Variants in FRMD4A observed in about 807,000 individuals in gnomAD.
FRMD4A encodes FERM domain containing 4A.
A neutral mutation model predicts 129.1 loss-of-function variants in FRMD4A; 29 were observed. The observed-to-expected ratio is 0.22, with a 90% CI of 0.17 to 0.31. The LOEUF is 0.31. Ranked by LOEUF, FRMD4A falls within the 10% of genes least tolerant of loss-of-function variation. FRMD4A has a pLI of 1.00. For missense variants in FRMD4A, 1,272 were observed against 1,375.8 expected, an observed-to-expected ratio of 0.92 and a Z score of 1.19; for synonymous variants, 634 against 571.6, an observed-to-expected ratio of 1.11 and a Z score of -1.56.
chr10:14,001,724 G>A (rs1238180901), intron 2 of FRMD4A, among the ~76,000 whole-genome samples: 1 of 152,234 alleles, frequency 6.6e-6, no homozygotes, highest in Non-Finnish European at 1.5e-5. Flanking sequence ...GGAGTCCCCA[G>A]TAGTCTGTGT....
chr10:14,037,321 G>A (rs931214481), intron 2 of FRMD4A, among the ~76,000 whole-genome samples: 1 of 152,112 alleles, frequency 6.6e-6, no homozygotes, highest in Non-Finnish European at 1.5e-5. Flanking sequence ...GGGCTCAAGC[G>A]ATTCTCCTGC....
chr10:13,646,948 G>T lies in FRMD4A; in HGVS notation c.*90C>A. ...CCGGGCTGGCTCACACGAGGGTCCC[G>T]GGCTTGGCTTTTTCCTGCCCGTACC... is the stretch of plus-strand genomic sequence containing the variant. On this transcript the variant is annotated 3_prime_UTR_variant, in exon 25 of 25. Coordinates refer to ENST00000357447, the MANE Select transcript of FRMD4A (RefSeq NM_018027.5). The T allele has an allele frequency of 1.0e-6, 1 of 978,530 alleles. No individual in the cohort carries two copies. Among genetic ancestry groups the T allele is most frequent in the Non-Finnish European group, 1.2e-6 (1 of 823,232 alleles). The allele number at this position is 978,530 out of a possible 1,614,324, so 60.6% of individuals were successfully genotyped here.
chr10:13,842,027 C>T (rs753762482), intron 3 of FRMD4A, among the ~76,000 whole-genome samples: 2 of 152,180 alleles, frequency 1.3e-5, no homozygotes, highest in South Asian at 4.1e-4. Flanking sequence ...CCACTCAGCA[C>T]GTAACACTGC....
intron 6 of FRMD4A, among the ~76,000 whole-genome samples, chr10:13,773,982 T>C (rs540615303): frequency 1.3e-5 from 2 of 152,298 alleles, no homozygotes; most frequent in Non-Finnish European, 2.9e-5. Flanking sequence ...CAGGCAGGCT[T>C]CCTGTGAGAG....
At chr10:13,895,591 C>T (rs1434980555) in intron 2 of FRMD4A, among the ~76,000 whole-genome samples, 4 of 152,026 alleles carry the variant, frequency 2.6e-5, no homozygotes, top group South Asian at 4.1e-4. Flanking sequence ...AAGCTGTATT[C>T]GAAGAATTTG....
intron 2 of FRMD4A, among the ~76,000 whole-genome samples, chr10:13,859,351 T>G (rs1290339023): frequency 6.6e-6 from 1 of 152,112 alleles, no homozygotes; most frequent in Non-Finnish European, 1.5e-5. Flanking sequence ...GCCACTGCAC[T>G]CCAGCCTGGG....
intron 2 of FRMD4A, among the ~76,000 whole-genome samples, chr10:14,088,785 CAA>C (rs58056105): frequency 9.5e-5 from 7 of 73,840 alleles, no homozygotes; most frequent in South Asian, 5.4e-4. Context: ...GACTCTGTCT[CAA>C]AAAAAAAAAA....
chr10:13,666,476 C>T, intron 17 of FRMD4A, 151 bp from the exon 18 acceptor site: 1 of 620,156 alleles, frequency 1.6e-6, no homozygotes, highest in Non-Finnish European at 2.9e-6. Flanking sequence ...ACTGAAGTCC[C>T]CAGGCACACC....
rs59076377 is a variant in FRMD4A, at chr10:13,707,383, G to A, written c.760-270C>T. 8.8e-6 allele frequency: 10 copies of A among 1,135,390 alleles called. No homozygotes were observed. In the East Asian group the frequency reaches 2.3e-4, roughly 26 times the overall value. 70.3% of individuals were successfully genotyped at this position (1,135,390 alleles called of 1,614,324 possible). On this transcript the variant is annotated intron_variant, in intron 12 of 24. Transcript: ENST00000357447. ...AGTTCTTTTCAAGTTCTCCGCCTTC[G>A]GTCGGCCTTTGTTGGTTTGGTCGTG... is the stretch of plus-strand genomic sequence containing the variant.
At chr10:13,662,076 AC>A (rs2082679574) in intron 19 of FRMD4A, among the ~76,000 whole-genome samples, 1 of 151,906 alleles carries the variant, frequency 6.6e-6, no homozygotes, top group Admixed American at 6.6e-5. Flanking sequence ...TCTCAAAATT[AC>A]CCCGTGACAT....
rs140447547 is a variant in FRMD4A, at chr10:14,019,484, T to A, written c.46-160572A>T. ...AACTGAATTTTGATTTAAGCTGTGATGCCAATATATTCAGTAGACAGAGGG... is the reference window on the plus strand; with the variant it reads ...AACTGAATTTTGATTTAAGCTGTGAAGCCAATATATTCAGTAGACAGAGGG... On this transcript the variant is annotated intron_variant, in intron 2 of 24. Transcript: ENST00000357447. Among the ~76,000 whole-genome samples the A allele has an allele frequency of 6.4e-3, 968 of 152,326 alleles. 16 individuals carry two copies. The highest frequency in any genetic ancestry group is 0.022 in the African/African-American group (922 of 41,566).
chr10:13,670,592 A>AC, intron 16 of FRMD4A, 64 bp from the exon 17 acceptor site: 1 of 1,563,458 alleles, frequency 6.4e-7, no homozygotes, highest in South Asian at 1.1e-5. Flanking sequence ...TGCTTCCTAG[A>AC]ACACACACAC....
intron 2 of FRMD4A, among the ~76,000 whole-genome samples, chr10:13,915,565 G>A (rs7095627): frequency 3.3e-5 from 5 of 151,640 alleles, no homozygotes; most frequent in African/African-American, 9.7e-5. Flanking sequence ...CCAGCTACTC[G>A]GGAGGCTGAG....
At chr10:14,200,661 GCAGCCTCCT>G (rs766660092) in intron 2 of FRMD4A, among the ~76,000 whole-genome samples, 19 of 152,228 alleles carry the variant, frequency 1.2e-4, no homozygotes, top group East Asian at 9.6e-4. Flanking sequence ...TGCAGGGTGA[GCAGCCTCCT>G]CAGCCTCCTC....
chr10:13,751,311 C>CA (rs1009919333), intron 8 of FRMD4A, among the ~76,000 whole-genome samples: 1 of 152,146 alleles, frequency 6.6e-6, no homozygotes. Context: ...AGGTTACACA[C>CA]AAAAAAATCT....
chr10:14,302,293 A>G (rs183388267), intron 2 of FRMD4A, among the ~76,000 whole-genome samples: 11 of 152,324 alleles, frequency 7.2e-5, no homozygotes, highest in Admixed American at 7.2e-4. Flanking sequence ...ACTGTTAAGA[A>G]CCAAACTTAA....
At chr10:14,302,772 G>A (rs1846226213) in intron 2 of FRMD4A, among the ~76,000 whole-genome samples, 1 of 152,170 alleles carries the variant, frequency 6.6e-6, no homozygotes, top group East Asian at 1.9e-4. Flanking sequence ...TAGATGGGCA[G>A]GAACTGTATA....
At chr10:13,999,598 T>C (rs146178457) in intron 2 of FRMD4A, among the ~76,000 whole-genome samples, 1,744 of 152,370 alleles carry the variant, frequency 0.011, 24 homozygotes, top group Non-Finnish European at 0.02. Flanking sequence ...GGAAAGCCAG[T>C]CAGGCTTGGA....
intron 2 of FRMD4A, among the ~76,000 whole-genome samples, chr10:14,225,367 T>C (rs1421209666): frequency 6.6e-6 from 1 of 152,226 alleles, no homozygotes; most frequent in Admixed American, 6.5e-5. Context: ...GACACCAAAC[T>C]GCTTCAAAGA....
Sources: gnomAD v4.1 joint callset for allele counts (sites outside exome capture counted in the v4.1 genomes callset) on GRCh38, gnomAD v4.1.1 for gene constraint, MANE v1.5 for transcripts, NCBI Gene and HGNC (gene_info 2026-07-23, HGNC 2026-07-21) for gene names.